GSE1: variants seen among roughly 807,000 people sequenced by gnomAD.
The protein encoded by GSE1 is Gse1 coiled-coil protein.
A neutral mutation model predicts 112.6 loss-of-function variants in GSE1; 32 were observed. The observed-to-expected ratio is 0.28, with a 90% CI of 0.21 to 0.38. The LOEUF (loss-of-function observed/expected upper bound fraction) is 0.38. GSE1 is among the 10% of genes least tolerant of loss of function. GSE1 has a pLI of 1.00. For missense variants in GSE1, 2,348 were observed against 1,699.2 expected (o/e 1.38, Z -6.71); for synonymous variants, 1,115 against 735.6 (o/e 1.52, Z -8.35).
At chr16:85,614,325 C>G (rs1024832823) in intron 1 of GSE1, among the ~76,000 whole-genome samples, 1 of 152,186 alleles carries the variant, frequency 6.6e-6, no homozygotes, top group African/African-American at 2.4e-5. Flanking sequence ...TCCTCGGCCG[C>G]CCGCCCGCCT....
intron 2 of GSE1, among the ~76,000 whole-genome samples, chr16:85,484,154 A>G (rs1042044877): frequency 6.6e-6 from 1 of 152,228 alleles, no homozygotes; most frequent in Admixed American, 6.5e-5. Context: ...ATAGAACCGC[A>G]GTGAGGTTTT....
intron 1 of GSE1, among the ~76,000 whole-genome samples, chr16:85,290,914 T>C (rs1325627213): frequency 6.6e-6 from 1 of 151,996 alleles, no homozygotes; most frequent in Non-Finnish European, 1.5e-5. Flanking sequence ...GAGCAAGCAG[T>C]TGGGGAGTGT....
intron 2 of GSE1, among the ~76,000 whole-genome samples, chr16:85,478,151 T>C (rs1360025952): frequency 6.6e-6 from 1 of 152,186 alleles, no homozygotes; most frequent in Non-Finnish European, 1.5e-5. Flanking sequence ...TCCAGCTTCT[T>C]CCAGGAAGCA....
At chr16:85,494,419 C>T (rs899280398) in intron 2 of GSE1, among the ~76,000 whole-genome samples, 1 of 151,492 alleles carries the variant, frequency 6.6e-6, no homozygotes. Flanking sequence ...TAACTAATAA[C>T]ATCTGCAAAG....
At position 85,668,127 on chromosome 16, in the gene GSE1, G is replaced by C. The variant is rs757575084; in HGVS notation, c.3131-13G>C. 6.4e-7 allele frequency: 1 copy of C among 1,554,036 alleles called. No individual in the cohort carries two copies. The highest frequency in any genetic ancestry group is 2.3e-5 in the East Asian group (1 of 44,264). On this transcript the variant is annotated splice_polypyrimidine_tract_variant and intron_variant, in intron 13 of 15. Transcript: ENST00000253458. ...CCCCCAACACACTGATGCAAGCCCTGTCCCCTCCACAGGGAGCGTGGCTGT... is the reference window on the plus strand; with the variant it reads ...CCCCCAACACACTGATGCAAGCCCTCTCCCCTCCACAGGGAGCGTGGCTGT...
At chr16:85,563,012 C>T (rs538828425) in intron 1 of GSE1, among the ~76,000 whole-genome samples, 191 of 152,306 alleles carry the variant, frequency 1.3e-3, no homozygotes, top group African/African-American at 4.5e-3. Flanking sequence ...TAGGGGACCT[C>T]CTCAGCCAAA....
chr16:85,209,325 A>C (rs781443063), intron 1 of GSE1, among the ~76,000 whole-genome samples: 2 of 152,164 alleles, frequency 1.3e-5, no homozygotes, highest in Non-Finnish European at 2.9e-5. Flanking sequence ...GGCCAGGGCA[A>C]CATCCTCCGT....
chr16:85,514,933 G>T (rs2051876617), intron 2 of GSE1, among the ~76,000 whole-genome samples: 1 of 152,180 alleles, frequency 6.6e-6, no homozygotes, highest in Non-Finnish European at 1.5e-5. Context: ...GTGTGGGCAT[G>T]TATTTGTGTG....
intron 1 of GSE1, among the ~76,000 whole-genome samples, chr16:85,339,197 A>G (rs1240913557): frequency 6.6e-6 from 1 of 152,084 alleles, no homozygotes; most frequent in African/African-American, 2.4e-5. Context: ...TCTCATGGCT[A>G]TTTTACGTGA....
At chr16:85,292,400 C>T (rs573553564) in intron 1 of GSE1, among the ~76,000 whole-genome samples, 4 of 151,522 alleles carry the variant, frequency 2.6e-5, no homozygotes, top group Admixed American at 2.0e-4. Flanking sequence ...GCGATCTTGG[C>T]TCACTGCAAC....
chr16:85,213,508 C>T (rs751565303), intron 1 of GSE1, among the ~76,000 whole-genome samples: 1 of 152,194 alleles, frequency 6.6e-6, no homozygotes, highest in Non-Finnish European at 1.5e-5. Context: ...GTGCAAAGGA[C>T]CTCCCTGTGT....
At chr16:85,563,732 G>C (rs114702059) in intron 1 of GSE1, among the ~76,000 whole-genome samples, 1 of 152,224 alleles carries the variant, frequency 6.6e-6, no homozygotes, top group Admixed American at 6.5e-5. Flanking sequence ...TTAATGGCCT[G>C]TGGGGTCAGG....
At chr16:85,380,897 G>T (rs2047532306) in intron 2 of GSE1, among the ~76,000 whole-genome samples, 1 of 152,196 alleles carries the variant, frequency 6.6e-6, no homozygotes, top group African/African-American at 2.4e-5. Context: ...TGGGAACGCG[G>T]TGAGCCCTGG....
At chr16:85,246,426 A>ACACGC (rs1905783530) in intron 1 of GSE1, among the ~76,000 whole-genome samples, 1 of 40,986 alleles carries the variant, frequency 2.4e-5, no homozygotes, top group African/African-American at 1.1e-4. Context: ...CACACACCCC[A>ACACGC]TGCTCTCTAC....
At chr16:85,602,566 C>T (rs1456825701) in intron 1 of GSE1, among the ~76,000 whole-genome samples, 1 of 152,020 alleles carries the variant, frequency 6.6e-6, no homozygotes, top group Non-Finnish European at 1.5e-5. Flanking sequence ...ACCCGCTGCT[C>T]CAGAACCCGG....
intron 2 of GSE1, among the ~76,000 whole-genome samples, chr16:85,426,071 ATGGGT>A (rs2048974988): frequency 7.7e-6 from 1 of 130,350 alleles, no homozygotes. Flanking sequence ...GGATGGATGG[ATGGGT>A]AGATGGATGG....
chr16:85,618,686 C>CT, intron 1 of GSE1, among the ~76,000 whole-genome samples: 1 of 152,382 alleles, frequency 6.6e-6, no homozygotes, highest in African/African-American at 2.4e-5. Context: ...GAGACAGGGT[C>CT]TTGCTCTGCT....
intron 1 of GSE1, among the ~76,000 whole-genome samples, chr16:85,176,556 C>G (rs918078342): frequency 2.6e-5 from 4 of 152,260 alleles, no homozygotes; most frequent in Non-Finnish European, 5.9e-5. Flanking sequence ...GATGGGTCTG[C>G]TGCATGATGG....
Position 85,673,493 on chromosome 16 carries a change from A to C in GSE1, c.*954A>C, listed in dbSNP as rs2053504726. The C allele has an allele frequency of 6.6e-6, 1 of 152,158 alleles. No homozygotes were observed. The highest frequency in any genetic ancestry group is 1.5e-5 in the Non-Finnish European group (1 of 67,952). 9.4% of individuals were successfully genotyped at this position (152,158 alleles called of 1,614,324 possible). On this transcript the variant is annotated 3_prime_UTR_variant, in exon 16 of 16. Coordinates refer to ENST00000253458, the MANE Select transcript of GSE1 (RefSeq NM_014615.5). Reference sequence around the variant, plus strand: ...TTTTTTTGGGCAAAAAAAAAAAAAAAACCTTGCTTTTAGTGTTTGTACTGC... The same window carrying C: ...TTTTTTTGGGCAAAAAAAAAAAAAACACCTTGCTTTTAGTGTTTGTACTGC...
Sources: allele counts gnomAD v4.1 joint callset (sites outside exome capture counted in the v4.1 genomes callset), GRCh38; gene constraint gnomAD v4.1.1; transcripts MANE v1.5; gene names NCBI Gene and HGNC (gene_info 2026-07-23, HGNC 2026-07-21).